Variants in CEP112 observed in about 807,000 individuals in gnomAD.
The protein encoded by CEP112 is centrosomal protein 112, also known as centrosomal protein of 112 kDa.
In CEP112, 127 loss-of-function variants were observed where a neutral mutation model predicts 153.0. The observed-to-expected ratio is 0.83, with a 90% CI of 0.72 to 0.96. The LOEUF (loss-of-function observed/expected upper bound fraction) is 0.96. Ranked by LOEUF, CEP112 falls within the 40% of genes least tolerant of loss-of-function variation. The pLI is 0.00. For synonymous variants in CEP112, 358 were observed against 374.4 expected (o/e 0.96, Z 0.51); for missense variants, 1,089 against 1,101.2 (o/e 0.99, Z 0.16).
intron 21 of CEP112, among the ~76,000 whole-genome samples, chr17:65,838,696 A>C (rs777068019): frequency 8.5e-5 from 13 of 152,202 alleles, no homozygotes; most frequent in Admixed American, 5.9e-4. Context: ...AAGAAAAATC[A>C]GCAAAACAAA....
chr17:65,730,026 A>G (rs191918350), intron 23 of CEP112, among the ~76,000 whole-genome samples: 120 of 152,360 alleles, frequency 7.9e-4, no homozygotes, highest in African/African-American at 2.8e-3. Context: ...AGAGGAATCT[A>G]CTTTCACCTG....
At chr17:66,140,244 CAAT>C (rs2146603395) in intron 4 of CEP112, among the ~76,000 whole-genome samples, 1 of 152,126 alleles carries the variant, frequency 6.6e-6, no homozygotes, top group East Asian at 1.9e-4. Context: ...GATAAAAACT[CAAT>C]AAATTCAGTA....
At chr17:66,076,871 T>C (rs963193295) in intron 8 of CEP112, among the ~76,000 whole-genome samples, 1 of 152,266 alleles carries the variant, frequency 6.6e-6, no homozygotes, top group East Asian at 1.9e-4. Context: ...ATAGTTCACA[T>C]CACAGGACTC....
At chr17:65,956,683 C>T (rs180885947) in intron 18 of CEP112, among the ~76,000 whole-genome samples, 3 of 151,926 alleles carry the variant, frequency 2.0e-5, no homozygotes, top group South Asian at 2.1e-4. Flanking sequence ...CAGTATACAC[C>T]GCTAGGGTGA....
chr17:65,738,511 C>A (rs899494050), intron 23 of CEP112, among the ~76,000 whole-genome samples: 1 of 152,212 alleles, frequency 6.6e-6, no homozygotes, highest in South Asian at 2.1e-4. Flanking sequence ...AAAGCCTACT[C>A]GGCTTTCTGT....
intron 23 of CEP112, among the ~76,000 whole-genome samples, chr17:65,739,381 A>G (rs903579473): frequency 5.3e-5 from 8 of 152,238 alleles, no homozygotes; most frequent in African/African-American, 1.7e-4. Context: ...AAGGCAGTAA[A>G]TAAGTGATAA....
At chr17:65,937,585 A>G (rs868627987) in intron 18 of CEP112, among the ~76,000 whole-genome samples, 952 of 33,622 alleles carry the variant, frequency 0.028, 4 homozygotes, top group Middle Eastern at 0.048. Flanking sequence ...TCAGCCCCCC[A>G]CCCGGCCAGC....
intron 17 of CEP112, among the ~76,000 whole-genome samples, chr17:65,977,815 C>T (rs1280892142): frequency 2.0e-5 from 3 of 152,180 alleles, no homozygotes; most frequent in Admixed American, 6.6e-5. Flanking sequence ...TGGCTCACAC[C>T]TGTAATCCCA....
intron 24 of CEP112, among the ~76,000 whole-genome samples, chr17:65,666,848 A>G (rs904803348): frequency 6.6e-6 from 1 of 152,122 alleles, no homozygotes; most frequent in Non-Finnish European, 1.5e-5. Flanking sequence ...CTGGCAAGGC[A>G]TACTCAAGGT....
intron 20 of CEP112, among the ~76,000 whole-genome samples, chr17:65,866,907 C>G (rs933637517): frequency 3.3e-5 from 5 of 152,180 alleles, no homozygotes; most frequent in African/African-American, 1.2e-4. Flanking sequence ...ATACCTCATT[C>G]TTCCTGGACA....
At chr17:66,148,146 T>A (rs534819591) in intron 4 of CEP112, among the ~76,000 whole-genome samples, 1 of 152,292 alleles carries the variant, frequency 6.6e-6, no homozygotes, top group Non-Finnish European at 1.5e-5. Flanking sequence ...CAAAAGGCAC[T>A]TCTTACATGG....
chr17:66,161,181 C>T (rs1374072762), intron 4 of CEP112, among the ~76,000 whole-genome samples: 1 of 152,116 alleles, frequency 6.6e-6, no homozygotes, highest in Non-Finnish European at 1.5e-5. Flanking sequence ...AGTCAAGAAA[C>T]AACAGATGCT....
chr17:65,893,465 C>A (rs1279833214), intron 20 of CEP112, among the ~76,000 whole-genome samples: 1 of 151,942 alleles, frequency 6.6e-6, no homozygotes, highest in Admixed American at 6.6e-5. Flanking sequence ...AACAAATATC[C>A]AAAAGCACTC....
At chr17:66,124,653 T>C (rs1311259329) in intron 6 of CEP112, among the ~76,000 whole-genome samples, 1 of 152,124 alleles carries the variant, frequency 6.6e-6, no homozygotes, top group Non-Finnish European at 1.5e-5. Context: ...CTGCCATCCA[T>C]GCCTGCTACA....
intron 12 of CEP112, among the ~76,000 whole-genome samples, chr17:66,042,856 TA>T: frequency 6.6e-6 from 1 of 152,138 alleles, no homozygotes; most frequent in Non-Finnish European, 1.5e-5. Context: ...AAAAAGTGTC[TA>T]TTTTTAAATG....
At position 66,183,213 on chromosome 17, in the gene CEP112, TA is replaced by T. The variant is rs1324375024; in HGVS notation, c.86del (p.Leu29GlnfsTer29). The T allele has an allele frequency of 1.9e-6, 3 of 1,605,220 alleles. No individual in the cohort carries two copies. The highest frequency in any genetic ancestry group is 2.6e-6 in the Non-Finnish European group (3 of 1,176,294). The stretch of plus-strand genomic sequence containing the variant: ...TCTTACCTGTCCTATGAGGTAATTT[TA>T]GAACAAAGGGCTTCATATCAACCAC... The part of the protein sequence containing the change: ...HFVVDMKPFV[L>X]KLPHRTERQR... On this transcript the variant is annotated frameshift_variant, in exon 2 of 27. Coordinates refer to ENST00000535342, the MANE Select transcript of CEP112 (RefSeq NM_001199165.4). LOFTEE classifies it high-confidence loss of function.
intron 23 of CEP112, among the ~76,000 whole-genome samples, chr17:65,701,196 TG>T (rs1226779665): frequency 6.6e-6 from 1 of 152,142 alleles, no homozygotes; most frequent in East Asian, 1.9e-4. Flanking sequence ...TGTGCCGGGA[TG>T]GCAGCAGAGC....
chr17:66,047,296 G>A (rs1054227909), intron 12 of CEP112, among the ~76,000 whole-genome samples: 1 of 151,658 alleles, frequency 6.6e-6, no homozygotes, highest in African/African-American at 2.4e-5. Context: ...TTTGTATTTT[G>A]AGTAGAGACA....
intron 2 of CEP112, among the ~76,000 whole-genome samples, chr17:66,178,548 C>A (rs1396902990): frequency 1.3e-5 from 2 of 152,056 alleles, no homozygotes; most frequent in African/African-American, 4.8e-5. Flanking sequence ...TTTGCAGAAG[C>A]TTTTTAACAT....
Sources: allele counts gnomAD v4.1 joint callset (sites outside exome capture counted in the v4.1 genomes callset), GRCh38; gene constraint gnomAD v4.1.1; transcripts MANE v1.5; gene names NCBI Gene and HGNC (gene_info 2026-07-23, HGNC 2026-07-21).